GRAMD1B: variants seen among roughly 807,000 people sequenced by gnomAD.
The protein encoded by GRAMD1B is protein Aster-B.
A neutral mutation model predicts 99.7 loss-of-function variants in GRAMD1B; 37 were observed. The observed-to-expected ratio is 0.37, with a 90% confidence interval of 0.29 to 0.49. GRAMD1B has a LOEUF of 0.49. Among genes scored for constraint, GRAMD1B ranks in the 20% least tolerant of loss-of-function variants. The pLI is 0.98. For missense variants in GRAMD1B, 888 were observed against 1,009.2 expected (o/e 0.88, Z 1.63); for synonymous variants, 427 against 387.6 (o/e 1.10, Z -1.19).
chr11:123,600,417 A>G (rs1951805922), intron 7 of GRAMD1B, 51 bp from the exon 8 acceptor site: 1 of 1,183,916 alleles, frequency 8.4e-7, no homozygotes, highest in East Asian at 2.4e-5. Flanking sequence ...GTCCCTCTTA[A>G]TTATATTGTA....
chr11:123,541,442 A>G (rs1362182526), intron 2 of GRAMD1B, among the ~76,000 whole-genome samples: 3 of 151,976 alleles, frequency 2.0e-5, no homozygotes, highest in Non-Finnish European at 4.4e-5. Flanking sequence ...TATTTCAAAA[A>G]TGGTATCTCA....
intron 7 of GRAMD1B, chr11:123,599,435 C>T: frequency 1.5e-6 from 1 of 645,998 alleles, no homozygotes; most frequent in Non-Finnish European, 2.9e-6. Context: ...ACTGCTGCTG[C>T]TCCAGTATTG....
intron 1 of GRAMD1B, among the ~76,000 whole-genome samples, chr11:123,371,424 A>G (rs1359214873): frequency 2.0e-5 from 3 of 152,278 alleles, no homozygotes; most frequent in Non-Finnish European, 4.4e-5. Flanking sequence ...GAAGGTTTAA[A>G]CCACAGAATT....
rs1948351235 is a variant in GRAMD1B, at chr11:123,419,626, C to T, written c.-176+60827C>T. Among the ~76,000 whole-genome samples the T allele has an allele frequency of 2.0e-5, 3 of 151,854 alleles. No individual in the cohort carries two copies. In the South Asian group the frequency reaches 6.2e-4, roughly 32 times the overall value. On this transcript the variant is annotated intron_variant, in intron 1 of 20. Coordinates refer to the GRAMD1B transcript ENST00000638157. The stretch of plus-strand genomic sequence containing the variant: ...AGCCTAGGTGACAGAGACCCTGTCT[C>T]TTAAAACAACAACAACAAAACAAAA...
intron 2 of GRAMD1B, among the ~76,000 whole-genome samples, chr11:123,502,804 A>G (rs966920358): frequency 6.6e-6 from 1 of 152,040 alleles, no homozygotes; most frequent in Non-Finnish European, 1.5e-5. Flanking sequence ...GAAAGAAAGA[A>G]AAAGAAAATG....
chr11:123,471,111 G>GT (rs992339135), intron 1 of GRAMD1B, among the ~76,000 whole-genome samples: 1 of 152,164 alleles, frequency 6.6e-6, no homozygotes, highest in Non-Finnish European at 1.5e-5. Flanking sequence ...CCTTGAGTGT[G>GT]ATAAGATCTC....
intron 2 of GRAMD1B, among the ~76,000 whole-genome samples, chr11:123,519,862 G>A (rs553478839): frequency 3.9e-5 from 6 of 152,362 alleles, no homozygotes; most frequent in East Asian, 1.9e-4. Context: ...TGGGAGGCAG[G>A]AGGGCCGAAT....
chr11:123,406,858 G>C (rs904244547), intron 1 of GRAMD1B, among the ~76,000 whole-genome samples: 5 of 152,134 alleles, frequency 3.3e-5, no homozygotes, highest in African/African-American at 1.2e-4. Flanking sequence ...TTATCTTCAG[G>C]CTCAGTTCAT....
chr11:123,389,107 G>T (rs140207266), intron 1 of GRAMD1B, among the ~76,000 whole-genome samples: 2 of 151,970 alleles, frequency 1.3e-5, no homozygotes, highest in African/African-American at 4.8e-5. Context: ...AATCCCGACC[G>T]GGCACGGTGG....
intron 1 of GRAMD1B, among the ~76,000 whole-genome samples, chr11:123,397,131 T>C (rs992129053): frequency 6.6e-6 from 1 of 152,156 alleles, no homozygotes; most frequent in South Asian, 2.1e-4. Context: ...AGGCCAGGTG[T>C]GGTGTCCCCC....
At chr11:123,537,820 C>G (rs1944121943) in intron 2 of GRAMD1B, among the ~76,000 whole-genome samples, 1 of 152,138 alleles carries the variant, frequency 6.6e-6, no homozygotes, top group African/African-American at 2.4e-5. Context: ...AAAATCTGTA[C>G]TTGGTGCAGT....
intron 14 of GRAMD1B, among the ~76,000 whole-genome samples, chr11:123,611,760 A>G (rs1002319396): frequency 3.3e-5 from 5 of 149,514 alleles, no homozygotes; most frequent in Non-Finnish European, 7.4e-5. Context: ...GGGGAGTGAC[A>G]TGTCTCCAAG....
At chr11:123,621,727 A>G (rs1055666182) in intron 19 of GRAMD1B, among the ~76,000 whole-genome samples, 2 of 152,196 alleles carry the variant, frequency 1.3e-5, no homozygotes, top group Non-Finnish European at 2.9e-5. Flanking sequence ...GGGAAACCAG[A>G]TGAAACAAGT....
intron 2 of GRAMD1B, among the ~76,000 whole-genome samples, 164 bp from the exon 3 acceptor site, chr11:123,577,203 G>C (rs1352061577): frequency 1.3e-5 from 2 of 152,230 alleles, no homozygotes; most frequent in African/African-American, 4.8e-5. Context: ...ATTACGGTGC[G>C]GCAAGCCGCA....
rs1955383810 is a variant in GRAMD1B at position 123,624,495 on chromosome 11, G to A, written c.*1900G>A. On this transcript the variant is annotated 3_prime_UTR_variant, in exon 20 of 20. Transcript: ENST00000635736. Reference sequence around the variant, plus strand: ...ATTCCTCCCCTAGAAGAGGAGATGGGAGGAAATGCAGTTTCATGTAATCCC... The same window carrying A: ...ATTCCTCCCCTAGAAGAGGAGATGGAAGGAAATGCAGTTTCATGTAATCCC... The A allele has an allele frequency of 6.6e-6, 1 of 152,192 alleles. No homozygotes were observed. Among genetic ancestry groups the A allele is most frequent in the South Asian group, 2.1e-4 (1 of 4,820 alleles). 9.4% of individuals were successfully genotyped at this position (152,192 alleles called of 1,614,324 possible).
At chr11:123,501,200 T>G (rs1650001698) in intron 2 of GRAMD1B, among the ~76,000 whole-genome samples, 1 of 151,930 alleles carries the variant, frequency 6.6e-6, no homozygotes, top group South Asian at 2.1e-4. Context: ...AGACAGAGTC[T>G]CGCTTTATCA....
intron 2 of GRAMD1B, among the ~76,000 whole-genome samples, chr11:123,516,806 C>T (rs1022556748): frequency 6.6e-6 from 1 of 152,184 alleles, no homozygotes; most frequent in Non-Finnish European, 1.5e-5. Flanking sequence ...TAGTTTAATG[C>T]CCATCTTTTA....
At chr11:123,384,546 T>C (rs1466853233) in intron 1 of GRAMD1B, among the ~76,000 whole-genome samples, 1 of 152,226 alleles carries the variant, frequency 6.6e-6, no homozygotes, top group Admixed American at 6.5e-5. Context: ...TTTATTTGAC[T>C]GTTTCTTCCT....
chr11:123,523,859 G>A (rs1404422112), intron 2 of GRAMD1B, among the ~76,000 whole-genome samples: 1 of 152,210 alleles, frequency 6.6e-6, no homozygotes, highest in Non-Finnish European at 1.5e-5. Context: ...ACAGGCTCCA[G>A]GAGCTTTGAA....
Sources: gnomAD v4.1 joint callset for allele counts (sites outside exome capture counted in the v4.1 genomes callset) on GRCh38, gnomAD v4.1.1 for gene constraint, MANE v1.5 for transcripts, NCBI Gene and HGNC (gene_info 2026-07-23, HGNC 2026-07-21) for gene names.